The following MYH13 variants were observed in gnomAD, a reference collection of about 807,000 sequenced individuals.
MYH13 encodes myosin-13.
Under a neutral mutation model 232.1 loss-of-function variants are expected in MYH13, and 177 were observed. The ratio of observed to expected loss-of-function variants is 0.76; its 90% CI spans 0.67 to 0.86. The LOEUF (loss-of-function observed/expected upper bound fraction) is 0.86. Among genes scored for constraint, MYH13 ranks in the 40% least tolerant of loss-of-function variants. The pLI, the probability that MYH13 is intolerant of heterozygous loss-of-function variation, is 0.00. For synonymous variants in MYH13, 884 were observed against 923.5 expected (o/e 0.96, Z 0.78); for missense variants, 2,246 against 2,405.9 (o/e 0.93, Z 1.39).
chr17:10,357,818 C>T lies in MYH13; in HGVS notation c.655G>A (p.Glu219Lys). 6 of 1,613,346 alleles carry T rather than the reference C, an allele frequency of 3.7e-6. No individual in the cohort carries two copies. The highest frequency in any genetic ancestry group is 5.1e-6 in the Non-Finnish European group (6 of 1,179,532). Residue 219 changes from glutamate (E) to lysine (K), a missense_variant, in exon 8 of 41, where the codon GAG (glutamate) becomes AAG (lysine). Coordinates refer to ENST00000252172, the MANE Select transcript of MYH13 (RefSeq NM_003802.3). ...TQPGKMQGTL[E>K]DQIIQANPLL... ...GGGTTGGCCTGGATGATCTGATCCT[C>T]TAGGGTTCCCTAATAATAAACAAGA...
At chr17:10,358,072 C>T (rs1332517386) in intron 7 of MYH13, among the ~76,000 whole-genome samples, 1 of 152,000 alleles carries the variant, frequency 6.6e-6, no homozygotes, top group Non-Finnish European at 1.5e-5. Context: ...AGGTTCTAGG[C>T]AGGAATATTA....
At chr17:10,357,346 A>G (rs559231155) in intron 8 of MYH13, among the ~76,000 whole-genome samples, 1 of 152,334 alleles carries the variant, frequency 6.6e-6, no homozygotes, top group East Asian at 1.9e-4. Flanking sequence ...CAAATCTGCT[A>G]ACTTAATTCA....
chr17:10,323,553 T>C (rs1907056992), intron 23 of MYH13, among the ~76,000 whole-genome samples: 1 of 150,214 alleles, frequency 6.7e-6, no homozygotes. Context: ...AGGTAAGGAG[T>C]TCGAGACCAG....
intron 5 of MYH13, among the ~76,000 whole-genome samples, chr17:10,361,647 A>G (rs1287181658): frequency 6.6e-6 from 1 of 152,170 alleles, no homozygotes; most frequent in Non-Finnish European, 1.5e-5. Context: ...GGTTGAACAG[A>G]CAGACTTGAT....
chr17:10,347,022 A>G (rs969549067), intron 12 of MYH13, among the ~76,000 whole-genome samples: 3 of 152,160 alleles, frequency 2.0e-5, no homozygotes, highest in African/African-American at 4.8e-5. Context: ...AGTTTTAACA[A>G]TAAGATACTC....
intron 21 of MYH13, among the ~76,000 whole-genome samples, chr17:10,329,914 C>T (rs866877547): frequency 1.3e-5 from 2 of 151,676 alleles, no homozygotes; most frequent in South Asian, 2.1e-4. Flanking sequence ...GCGGGAGAAT[C>T]GCTTGAACCT....
rs772223133 is a variant in MYH13, at chr17:10,350,662, C to T, written c.1038G>A (p.Glu346=). 6.2e-7 allele frequency: 1 copy of T among 1,613,864 alleles called. No homozygotes were observed. Among genetic ancestry groups the T allele is most frequent in the Non-Finnish European group, 8.5e-7 (1 of 1,179,972 alleles). Residue 346 remains glutamate, a synonymous_variant, in exon 12 of 41, where the codon GAG becomes GAA. Transcript: ENST00000252172. The part of the protein sequence containing the change: ...NAIDILGFSS[E]EKVGIYKLTG... ...TCAGTTTGTAGATCCCGACTTTCTC[C>T]TCTGAGCTGAAGCCCAGGATGTCAA...
In MYH13 at chr17:10,306,315, G is replaced by T. The variant is rs1906284163; in HGVS notation, c.5466+144C>A. On this transcript the variant is annotated intron_variant, in intron 37 of 40. Transcript: ENST00000252172. The surrounding 1 kb of genome is among the most constrained non-coding windows in gnomAD (Gnocchi z 4.3). ...GAAACAGAAAGAGGTGAGAAATGAA[G>T]CTCACAGGGAATTTTTCAAGCAGTC... 4.7e-5 allele frequency: 45 copies of T among 957,318 alleles called. No individual in the cohort carries two copies. Among genetic ancestry groups the T allele is most frequent in the Non-Finnish European group, 4.6e-5 (31 of 667,086 alleles). The allele number at this position is 957,318 out of a possible 1,614,324, so 59.3% of individuals were successfully genotyped here. A position where few individuals can be genotyped will look rare whatever the true frequency, so the allele number is the denominator to read the frequency against.
intron 18 of MYH13, among the ~76,000 whole-genome samples, chr17:10,334,442 C>G (rs1179438516): frequency 6.6e-6 from 1 of 152,134 alleles, no homozygotes; most frequent in Non-Finnish European, 1.5e-5. Flanking sequence ...TAAAACTTTT[C>G]ATGTAAATGT....
At position 10,306,360 on chromosome 17, in the gene MYH13, C is replaced by T. The variant is rs1341232865; in HGVS notation, c.5466+99G>A. On this transcript the variant is annotated intron_variant, in intron 37 of 40. Coordinates refer to ENST00000252172, the MANE Select transcript of MYH13 (RefSeq NM_003802.3). The surrounding 1 kb of genome is among the most constrained non-coding windows in gnomAD (Gnocchi z 4.3). ...GCAGTCCTGAAACTGAATTTGCAAT[C>T]TATTCATTCAGTGGCCTTTTCCCAC... 7 of 1,512,558 alleles carry T rather than the reference C, an allele frequency of 4.6e-6. No individual in the cohort carries two copies. Among genetic ancestry groups the T allele is most frequent in the African/African-American group, 2.8e-5 (2 of 71,940 alleles). The allele number at this position is 1,512,558 out of a possible 1,614,324, so 93.7% of individuals were successfully genotyped here.
At chr17:10,343,424 C>T (rs2071634952) in intron 16 of MYH13, among the ~76,000 whole-genome samples, 1 of 152,178 alleles carries the variant, frequency 6.6e-6, no homozygotes, top group African/African-American at 2.4e-5. Flanking sequence ...TCTCAAACTC[C>T]TGACCTCAAG....
At chr17:10,336,921 CTT>C (rs34120509) in intron 18 of MYH13, among the ~76,000 whole-genome samples, 86 of 142,476 alleles carry the variant, frequency 6.0e-4, no homozygotes, top group Admixed American at 6.3e-4. Flanking sequence ...AGCACTGTGT[CTT>C]TTTTTTTTTT....
In MYH13 at chr17:10,309,681, C is replaced by T. The variant is rs200756285; in HGVS notation, c.4806G>A (p.Gln1602=). 1.2e-5 allele frequency: 19 copies of T among 1,609,634 alleles called. No homozygotes were observed. Among genetic ancestry groups the T allele is most frequent in the Middle Eastern group, 3.3e-4 (2 of 6,054 alleles). ...RNSQRAAEAL[Q]SVLDAEIRSR... ...TGCGGATTTCAGCATCCAGCACGCTCTGCAGGGCCTCTGCTGCCCGCTGGC... is the reference window on the plus strand; with the variant it reads ...TGCGGATTTCAGCATCCAGCACGCTTTGCAGGGCCTCTGCTGCCCGCTGGC... Residue 1602 remains glutamine (Q), a synonymous_variant, in exon 34 of 41, where the codon CAG becomes CAA. Transcript: ENST00000252172.
intron 27 of MYH13, among the ~76,000 whole-genome samples, chr17:10,317,226 C>T (rs1246790122): frequency 2.0e-5 from 3 of 151,914 alleles, no homozygotes; most frequent in African/African-American, 2.4e-5. Context: ...TGGCCTGGCT[C>T]GCCGAGAGAG....
intron 23 of MYH13, among the ~76,000 whole-genome samples, chr17:10,322,857 T>G (rs941265220): frequency 3.3e-5 from 5 of 152,082 alleles, no homozygotes; most frequent in Admixed American, 3.3e-4. Context: ...ATGGTCTCGA[T>G]CTCCTGACCT....
intron 2 of MYH13, among the ~76,000 whole-genome samples, chr17:10,368,900 C>T (rs2071858174): frequency 6.6e-6 from 1 of 152,174 alleles, no homozygotes; most frequent in Non-Finnish European, 1.5e-5. Context: ...CCCTCTGCAA[C>T]ATAATCTCTA....
In MYH13 at chr17:10,319,093, C is replaced by T; in HGVS notation, c.3435G>A (p.Arg1145=). 6.2e-7 allele frequency: 1 copy of T among 1,614,184 alleles called. No homozygotes were observed. Among genetic ancestry groups the T allele is most frequent in the South Asian group, 1.1e-5 (1 of 91,086 alleles). The change falls in exon 27 of 41, where the codon AGG becomes AGA. Residue 1145 remains arginine (R), a synonymous_variant. Transcript: ENST00000252172. ...KIEKQRSDLA[R]ELEEISERLE... is the part of the protein sequence containing the mutation. ...GCCTCTCGCTGATCTCCTCCAGTTCCCTGGCCAGATCTGAGCGCTGCTTCT... is the reference window on the plus strand; with the variant it reads ...GCCTCTCGCTGATCTCCTCCAGTTCTCTGGCCAGATCTGAGCGCTGCTTCT...
intron 3 of MYH13, among the ~76,000 whole-genome samples, chr17:10,363,551 T>A (rs1007003183): frequency 2.6e-5 from 4 of 151,884 alleles, no homozygotes; most frequent in Non-Finnish European, 5.9e-5. Flanking sequence ...AAAGGGGAGG[T>A]AGAAAAGTCT....
intron 32 of MYH13, 148 bp downstream of exon 32, chr17:10,311,763 G>T: frequency 2.1e-6 from 2 of 935,194 alleles, no homozygotes; most frequent in African/African-American, 1.6e-5. Flanking sequence ...TGGGCCTTGG[G>T]GCAAACTGAG....
Sources: allele counts gnomAD v4.1 joint callset (sites outside exome capture counted in the v4.1 genomes callset), GRCh38; gene constraint gnomAD v4.1.1; non-coding constraint Gnocchi (gnomAD v3.1); transcripts MANE v1.5; gene names NCBI Gene and HGNC (gene_info 2026-07-23, HGNC 2026-07-21).